HDAC9: variants seen among roughly 807,000 people sequenced by gnomAD.
HDAC9 encodes MEF-2 interacting transcription repressor (MITR) protein.
A neutral mutation model predicts 139.4 loss-of-function variants in HDAC9; 41 were observed. That is an observed-to-expected ratio of 0.29 (90% confidence interval 0.23 to 0.38). HDAC9 has a LOEUF of 0.38. Among genes scored for constraint, HDAC9 ranks in the 10% least tolerant of loss-of-function variants. The pLI, the probability that HDAC9 is intolerant of heterozygous loss-of-function variation, is 1.00. For synonymous variants in HDAC9, 517 were observed against 476.2 expected, an observed-to-expected ratio of 1.09 and a Z score of -1.12; for missense variants, 1,147 against 1,297.0, an observed-to-expected ratio of 0.88 and a Z score of 1.78.
At chr7:18,310,479 T>G (rs1348866172) in intron 1 of HDAC9, among the ~76,000 whole-genome samples, 1 of 152,138 alleles carries the variant, frequency 6.6e-6, no homozygotes, top group Non-Finnish European at 1.5e-5. Flanking sequence ...TGTTAACCAG[T>G]CTCCTAAGGA....
intron 22 of HDAC9, among the ~76,000 whole-genome samples, chr7:18,896,523 A>G (rs1247161893): frequency 1.3e-5 from 2 of 152,070 alleles, no homozygotes; most frequent in Non-Finnish European, 2.9e-5. Flanking sequence ...TCAAAGGAAG[A>G]GAGACATCCT....
intron 1 of HDAC9, among the ~76,000 whole-genome samples, chr7:18,097,949 C>T (rs141164532): frequency 1.3e-5 from 2 of 152,252 alleles, no homozygotes; most frequent in Non-Finnish European, 1.5e-5. Flanking sequence ...TGTGTACTAA[C>T]GTCTACTGAT....
At chr7:18,892,651 G>A (rs1446785339) in intron 22 of HDAC9, 3 of 152,080 alleles carry the variant, frequency 2.0e-5, no homozygotes, top group South Asian at 2.1e-4. Flanking sequence ...CTGCAAAGAC[G>A]GAAAGAGGTA....
At chr7:18,499,013 C>A (rs929559510) in intron 2 of HDAC9, among the ~76,000 whole-genome samples, 1 of 151,674 alleles carries the variant, frequency 6.6e-6, no homozygotes, top group African/African-American at 2.4e-5. Context: ...TATTTTGTTA[C>A]CTTGGTTTGA....
intron 2 of HDAC9, among the ~76,000 whole-genome samples, chr7:18,261,883 G>A (rs569598077): frequency 1.3e-5 from 2 of 152,314 alleles, no homozygotes; most frequent in Non-Finnish European, 2.9e-5. Flanking sequence ...ACAACTAAAT[G>A]AAAATCTCTC....
At chr7:18,893,070 C>G (rs1800840238) in intron 22 of HDAC9, among the ~76,000 whole-genome samples, 1 of 126,542 alleles carries the variant, frequency 7.9e-6, no homozygotes, top group South Asian at 2.5e-4. Context: ...GAAAAGAACC[C>G]TAAGTGCTTT....
chr7:18,150,379 C>G (rs1786684200), intron 1 of HDAC9, among the ~76,000 whole-genome samples: 1 of 152,090 alleles, frequency 6.6e-6, no homozygotes, highest in Non-Finnish European at 1.5e-5. Context: ...ATGATCTGGT[C>G]TGAAACTGAT....
intron 1 of HDAC9, among the ~76,000 whole-genome samples, chr7:18,383,287 C>T (rs558794939): frequency 6.2e-4 from 95 of 152,322 alleles, no homozygotes; most frequent in African/African-American, 2.2e-3. Context: ...CAGTTACCTT[C>T]TTTCCCCATA....
intron 2 of HDAC9, among the ~76,000 whole-genome samples, chr7:18,249,502 C>CAAAAAAAAAAAAA (rs3058733): frequency 3.4e-5 from 2 of 58,576 alleles, no homozygotes; most frequent in African/African-American, 9.4e-5. Flanking sequence ...GACTCTGTCT[C>CAAAAAAAAAAAAA]AAAAAAAAAA....
intron 8 of HDAC9, among the ~76,000 whole-genome samples, chr7:18,636,940 A>T (rs998966586): frequency 6.6e-6 from 1 of 152,050 alleles, no homozygotes; most frequent in Non-Finnish European, 1.5e-5. Flanking sequence ...AATTCTTAGT[A>T]ACTGCAAAAA....
chr7:18,213,279 T>A (rs1029037241), intron 2 of HDAC9, among the ~76,000 whole-genome samples: 4 of 152,178 alleles, frequency 2.6e-5, no homozygotes, highest in Admixed American at 2.6e-4. Context: ...TGAGCAGTAT[T>A]CATGACCTCC....
chr7:18,795,593 A>T (rs1234707383), intron 17 of HDAC9, among the ~76,000 whole-genome samples: 2 of 152,210 alleles, frequency 1.3e-5, no homozygotes, highest in African/African-American at 4.8e-5. Flanking sequence ...TGCCAAGTCC[A>T]TTGTAAAAGT....
intron 1 of HDAC9, among the ~76,000 whole-genome samples, chr7:18,104,251 T>A (rs888655491): frequency 5.3e-5 from 8 of 152,342 alleles, no homozygotes; most frequent in African/African-American, 1.9e-4. Context: ...TTGTATTTTT[T>A]TTTTTGTTTA....
chr7:18,990,912 G>C (rs1414773180), intron 25 of HDAC9, among the ~76,000 whole-genome samples: 2 of 152,214 alleles, frequency 1.3e-5, no homozygotes, highest in Non-Finnish European at 2.9e-5. Context: ...CTCGCGCATG[G>C]AGCGCGCACC....
intron 16 of HDAC9, among the ~76,000 whole-genome samples, chr7:18,770,657 C>T (rs903075555): frequency 3.9e-5 from 6 of 152,136 alleles, no homozygotes; most frequent in Admixed American, 6.5e-5. Context: ...GGAACTGAAT[C>T]GACCCATAAT....
At chr7:18,270,644 C>A (rs184348397) in intron 2 of HDAC9, among the ~76,000 whole-genome samples, 8 of 151,676 alleles carry the variant, frequency 5.3e-5, no homozygotes, top group African/African-American at 1.5e-4. Flanking sequence ...TGTATACATA[C>A]GTAGTATATT....
intron 21 of HDAC9, among the ~76,000 whole-genome samples, chr7:18,861,371 C>T (rs1585173937): frequency 6.6e-6 from 1 of 152,174 alleles, no homozygotes; most frequent in South Asian, 2.1e-4. Context: ...TCTGTTAATT[C>T]TGTTGTCATT....
At chr7:18,128,431 A>G (rs1353383047) in intron 1 of HDAC9, among the ~76,000 whole-genome samples, 1 of 151,994 alleles carries the variant, frequency 6.6e-6, no homozygotes, top group Non-Finnish European at 1.5e-5. Flanking sequence ...CTGTAAAATC[A>G]AGCAGGGGTG....
At chr7:18,133,878 GTTA>G in intron 1 of HDAC9, among the ~76,000 whole-genome samples, 1 of 151,046 alleles carries the variant, frequency 6.6e-6, no homozygotes, top group Admixed American at 6.6e-5. Flanking sequence ...CTTGCTTGCA[GTTA>G]TTCTTTAAAA....
Sources: gnomAD v4.1 joint callset for allele counts (sites outside exome capture counted in the v4.1 genomes callset) on GRCh38, gnomAD v4.1.1 for gene constraint, MANE v1.5 for transcripts, NCBI Gene and HGNC (gene_info 2026-07-23, HGNC 2026-07-21) for gene names.